Variants in ROBO2 observed in about 807,000 individuals in gnomAD.
ROBO2 encodes roundabout homolog 2.
Under a neutral mutation model 160.8 loss-of-function variants are expected in ROBO2, and 53 were observed. The observed-to-expected ratio is 0.33, with a 90% CI of 0.26 to 0.41. The LOEUF is 0.41. Among genes scored for constraint, ROBO2 ranks in the 10% least tolerant of loss-of-function variants. ROBO2 has a pLI of 1.00. For missense variants in ROBO2, 1,577 were observed against 1,722.4 expected (o/e 0.92, Z 1.49); for synonymous variants, 664 against 611.7 (o/e 1.09, Z -1.26).
chr3:77,092,541 GA>G (rs1246282456), intron 1 of ROBO2, among the ~76,000 whole-genome samples: 1 of 147,048 alleles, frequency 6.8e-6, no homozygotes. Context: ...ATAAAAGAGA[GA>G]AAGAATATAT....
chr3:76,683,463 G>GGA lies in ROBO2; in HGVS notation c.110-414551_110-414550insGA, dbSNP rs1553866604. Among the ~76,000 whole-genome samples, 282 of 117,686 alleles carry GGA rather than the reference G, an allele frequency of 2.4e-3. 2 individuals are homozygous for GGA. The highest frequency in any genetic ancestry group is 8.0e-3 in the African/African-American group (268 of 33,510). 77.2% of individuals were successfully genotyped at this position (117,686 alleles called of 152,430 possible). On this transcript the variant is annotated intron_variant, in intron 2 of 26. Transcript: ENST00000487694. Reference sequence around the variant, plus strand: ...GTTCTTTTTATAAGTAACCCCCACCGAAAAAAAAAAAAAAAAACCTGGAAA... The same window carrying GGA: ...GTTCTTTTTATAAGTAACCCCCACCGGAAAAAAAAAAAAAAAAAACCTGGAAA...
At chr3:76,388,040 C>A (rs2076974336) in intron 2 of ROBO2, among the ~76,000 whole-genome samples, 2 of 152,132 alleles carry the variant, frequency 1.3e-5, no homozygotes, top group Non-Finnish European at 2.9e-5. Flanking sequence ...TTAAGAGTTT[C>A]TTCCGGTAAA....
At chr3:77,469,636 G>A (rs2083148891) in intron 2 of ROBO2, among the ~76,000 whole-genome samples, 1 of 152,022 alleles carries the variant, frequency 6.6e-6, no homozygotes, top group Non-Finnish European at 1.5e-5. Flanking sequence ...TCTATTCCTT[G>A]AGTCGTTGAT....
chr3:76,108,773 A>G (rs1254987402), intron 2 of ROBO2, among the ~76,000 whole-genome samples: 2 of 151,290 alleles, frequency 1.3e-5, no homozygotes, highest in African/African-American at 4.8e-5. Flanking sequence ...ACTTAATTAG[A>G]ATTTTGTTTT....
chr3:76,145,859 A>G (rs1310822965), intron 2 of ROBO2, among the ~76,000 whole-genome samples: 1 of 151,994 alleles, frequency 6.6e-6, no homozygotes, highest in Non-Finnish European at 1.5e-5. Flanking sequence ...TTCATTCACA[A>G]ATATCACCTG....
intron 21 of ROBO2, among the ~76,000 whole-genome samples, chr3:77,612,700 A>T (rs1164847385): frequency 6.6e-6 from 1 of 152,170 alleles, no homozygotes; most frequent in Non-Finnish European, 1.5e-5. Context: ...TAATCCCAGC[A>T]CGTTGGGAGG....
chr3:77,315,309 A>G (rs1225004369), intron 2 of ROBO2, among the ~76,000 whole-genome samples: 2 of 152,176 alleles, frequency 1.3e-5, no homozygotes, highest in East Asian at 3.9e-4. Context: ...TTCAGACCAC[A>G]TTGATTTTAT....
intron 2 of ROBO2, among the ~76,000 whole-genome samples, chr3:76,394,519 G>A (rs1162023076): frequency 1.3e-5 from 2 of 152,074 alleles, no homozygotes. Flanking sequence ...ATCCCTTTGT[G>A]GGTAAGCGAC....
chr3:76,366,619 T>A (rs2075823759), intron 2 of ROBO2, among the ~76,000 whole-genome samples: 2 of 152,010 alleles, frequency 1.3e-5, no homozygotes, highest in African/African-American at 4.8e-5. Flanking sequence ...GATTAAATTT[T>A]AAAAATCTTT....
At chr3:77,633,604 T>G (rs772810808) in intron 23 of ROBO2, 2 of 152,232 alleles carry the variant, frequency 1.3e-5, no homozygotes, top group Non-Finnish European at 1.5e-5. Context: ...TACCCTTCAC[T>G]AAACTCTCAG....
chr3:76,951,825 A>C (rs1230054337), intron 2 of ROBO2, among the ~76,000 whole-genome samples: 1 of 152,204 alleles, frequency 6.6e-6, no homozygotes. Flanking sequence ...CTGTTCACAA[A>C]GCCAACTGCT....
At chr3:77,453,053 A>T (rs1283389501) in intron 2 of ROBO2, among the ~76,000 whole-genome samples, 1 of 152,158 alleles carries the variant, frequency 6.6e-6, no homozygotes, top group Admixed American at 6.5e-5. Context: ...CCTAGGTATC[A>T]CACTTCCGTA....
intron 2 of ROBO2, among the ~76,000 whole-genome samples, chr3:76,730,360 C>T (rs1330505362): frequency 1.2e-4 from 8 of 65,296 alleles, no homozygotes; most frequent in African/African-American, 7.8e-4. Context: ...CTCCTACTCC[C>T]TACCCGCTTG....
At chr3:75,932,093 C>T (rs891166519) in intron 1 of ROBO2, among the ~76,000 whole-genome samples, 1 of 152,060 alleles carries the variant, frequency 6.6e-6, no homozygotes, top group Non-Finnish European at 1.5e-5. Context: ...ACTTTGAGTT[C>T]ACTTGAGAGG....
intron 2 of ROBO2, among the ~76,000 whole-genome samples, chr3:77,470,874 G>T (rs1560927753): frequency 6.6e-6 from 1 of 152,172 alleles, no homozygotes; most frequent in South Asian, 2.1e-4. Flanking sequence ...CAGCAGTTCT[G>T]ATACATACAC....
chr3:76,222,812 T>C (rs913330394), intron 2 of ROBO2, among the ~76,000 whole-genome samples: 3 of 151,964 alleles, frequency 2.0e-5, no homozygotes, highest in Admixed American at 6.6e-5. Flanking sequence ...TGGGGTGCAG[T>C]GGCATGATCT....
chr3:76,162,510 C>T (rs1559603778), intron 2 of ROBO2, among the ~76,000 whole-genome samples: 1 of 151,922 alleles, frequency 6.6e-6, no homozygotes, highest in Non-Finnish European at 1.5e-5. Flanking sequence ...ATGGAGTCTC[C>T]GTATGTTGCC....
At chr3:77,073,873 G>T (rs990860407) in intron 1 of ROBO2, among the ~76,000 whole-genome samples, 1 of 152,176 alleles carries the variant, frequency 6.6e-6, no homozygotes, top group Non-Finnish European at 1.5e-5. Flanking sequence ...ATGCAGAGTA[G>T]TGAAGCTTTA....
intron 2 of ROBO2, among the ~76,000 whole-genome samples, chr3:76,267,940 A>G (rs1330018626): frequency 3.3e-5 from 5 of 152,196 alleles, no homozygotes; most frequent in South Asian, 2.1e-4. Context: ...AGAAGTAGCT[A>G]TGTCCTCAGA....
Sources: allele counts gnomAD v4.1 joint callset (sites outside exome capture counted in the v4.1 genomes callset), GRCh38; gene constraint gnomAD v4.1.1; transcripts MANE v1.5; gene names NCBI Gene and HGNC (gene_info 2026-07-23, HGNC 2026-07-21).